Variants in DSCAM observed in about 807,000 individuals in gnomAD.
DSCAM encodes the protein cell adhesion molecule DSCAM.
Under a neutral mutation model 217.7 loss-of-function variants are expected in DSCAM, and 47 were observed. The observed-to-expected ratio is 0.22, with a 90% CI of 0.17 to 0.28. The LOEUF (loss-of-function observed/expected upper bound fraction) is 0.28. Among genes scored for constraint, DSCAM ranks in the 10% least tolerant of loss-of-function variants. The pLI is 1.00. For synonymous variants in DSCAM, 1,056 were observed against 1,015.3 expected (o/e 1.04, Z -0.76); for missense variants, 2,080 against 2,618.3 (o/e 0.79, Z 4.49).
Position 40,339,398 on chromosome 21 carries a change from T to C in DSCAM, c.1228A>G (p.Ile410Val), listed in dbSNP as rs775794321. The C allele has an allele frequency of 1.5e-5, 24 of 1,604,102 alleles. No homozygotes were observed. The Middle Eastern group carries it at 5.0e-4, about 33-fold the overall frequency. ...ACCACCTTTTCACTAAAGGCAGAAATAATTTTGGGAGTTCCATCTGCAGGA... is the reference window on the plus strand; with the variant it reads ...ACCACCTTTTCACTAAAGGCAGAAACAATTTTGGGAGTTCCATCTGCAGGA... The part of the protein sequence containing the change: ...VVLEDGTPKI[I>V]SAFSEKVVSP... The change falls in exon 7 of 33, where the codon ATT becomes GTT. Residue 410 changes from isoleucine to valine, a missense_variant. By Grantham distance (29) the Ile-to-Val change is conservative. Around this residue, in one of 5 missense-constraint regions of DSCAM, gnomAD observed 568 missense variants for 678.1 expected, o/e 0.84. Coordinates refer to ENST00000400454, the MANE Select transcript of DSCAM (RefSeq NM_001389.5).
At chr21:40,337,337 C>G (rs1209384591) in intron 8 of DSCAM, among the ~76,000 whole-genome samples, 2 of 152,188 alleles carry the variant, frequency 1.3e-5, no homozygotes, top group East Asian at 3.8e-4. Flanking sequence ...TAGTTCTATT[C>G]CTAGGACCCA....
intron 3 of DSCAM, among the ~76,000 whole-genome samples, chr21:40,539,675 G>A (rs1264924778): frequency 6.6e-6 from 1 of 151,998 alleles, no homozygotes; most frequent in East Asian, 1.9e-4. Context: ...GATGTTTTTT[G>A]TTGTTGGTCC....
At chr21:40,411,521 T>C (rs942049653) in intron 3 of DSCAM, among the ~76,000 whole-genome samples, 2 of 152,102 alleles carry the variant, frequency 1.3e-5, no homozygotes, top group African/African-American at 2.4e-5. Context: ...AATCATATGC[T>C]GTGTAAAAGA....
intron 3 of DSCAM, among the ~76,000 whole-genome samples, chr21:40,515,853 G>C (rs1446577386): frequency 6.6e-6 from 1 of 152,038 alleles, no homozygotes; most frequent in African/African-American, 2.4e-5. Context: ...AATCATTCTT[G>C]ACTATGTTTA....
chr21:40,369,008 G>A, intron 4 of DSCAM, 91 bp downstream of exon 4: 1 of 1,374,066 alleles, frequency 7.3e-7, no homozygotes, highest in Non-Finnish European at 9.5e-7. Context: ...CTCCATTTTA[G>A]TGGCAACACT....
chr21:40,212,571 C>G (rs2091196586), intron 11 of DSCAM: 3 of 152,668 alleles, frequency 2.0e-5, no homozygotes. Context: ...ACCAAGAACA[C>G]CAAGGTTTGT....
intron 3 of DSCAM, among the ~76,000 whole-genome samples, chr21:40,484,475 G>C (rs1569142815): frequency 6.6e-6 from 1 of 152,192 alleles, no homozygotes; most frequent in East Asian, 1.9e-4. Flanking sequence ...TCTGTGGATA[G>C]AATCTTCAAT....
At chr21:40,239,490 T>C (rs983443183) in intron 11 of DSCAM, among the ~76,000 whole-genome samples, 1 of 152,168 alleles carries the variant, frequency 6.6e-6, no homozygotes, top group Non-Finnish European at 1.5e-5. Context: ...TCCTTCTAAG[T>C]TTTCAAGAGA....
At chr21:40,352,641 T>C (rs2074644911) in intron 5 of DSCAM, among the ~76,000 whole-genome samples, 1 of 152,208 alleles carries the variant, frequency 6.6e-6, no homozygotes, top group Admixed American at 6.5e-5. Context: ...GTTAAATTTG[T>C]TCAATTTAGT....
intron 10 of DSCAM, among the ~76,000 whole-genome samples, chr21:40,294,415 A>T (rs186518790): frequency 1.2e-4 from 18 of 152,198 alleles, no homozygotes; most frequent in Non-Finnish European, 2.4e-4. Flanking sequence ...AAGACTATTT[A>T]AAAAAAATGT....
intron 4 of DSCAM, among the ~76,000 whole-genome samples, chr21:40,367,169 T>C (rs1850253142): frequency 2.0e-5 from 3 of 152,210 alleles, no homozygotes; most frequent in Non-Finnish European, 4.4e-5. Flanking sequence ...CATGCAGTTC[T>C]ATCCCAGTGT....
At chr21:40,228,506 C>T (rs953172320) in intron 11 of DSCAM, among the ~76,000 whole-genome samples, 3 of 152,102 alleles carry the variant, frequency 2.0e-5, no homozygotes, top group Admixed American at 6.6e-5. Flanking sequence ...TAATCCAATA[C>T]CGCCTTATTT....
At chr21:40,220,994 C>T (rs1419034019) in intron 11 of DSCAM, among the ~76,000 whole-genome samples, 1 of 152,200 alleles carries the variant, frequency 6.6e-6, no homozygotes, top group African/African-American at 2.4e-5. Context: ...TTTGTATTAT[C>T]TCCATTTCAC....
chr21:40,843,352 T>A lies in DSCAM; in HGVS notation c.43+3267A>T, dbSNP rs1004499523. Among the ~76,000 whole-genome samples, 11 of 145,644 alleles carry A rather than the reference T, an allele frequency of 7.6e-5. No individual in the cohort carries two copies. In the Admixed American group the frequency reaches 7.7e-4, roughly 10 times the overall value. On this transcript the variant is annotated intron_variant, in intron 1 of 32. Coordinates refer to ENST00000400454, the MANE Select transcript of DSCAM (RefSeq NM_001389.5). ...AATCCCACAGCTCAGGAAAAGATGA[T>A]GTCAGGAATGCATGCATGTGTGTGT...
chr21:40,135,891 C>T (rs894059039), intron 18 of DSCAM, among the ~76,000 whole-genome samples: 3 of 152,206 alleles, frequency 2.0e-5, no homozygotes, highest in Non-Finnish European at 4.4e-5. Flanking sequence ...CCCTCACATG[C>T]CAGAGAGCCC....
At chr21:40,208,328 C>T (rs1392636976) in intron 11 of DSCAM, among the ~76,000 whole-genome samples, 1 of 152,084 alleles carries the variant, frequency 6.6e-6, no homozygotes, top group African/African-American at 2.4e-5. Flanking sequence ...GTGGTGGGTG[C>T]CTGTAATCCC....
At chr21:40,505,764 G>A (rs940880079) in intron 3 of DSCAM, among the ~76,000 whole-genome samples, 3 of 152,078 alleles carry the variant, frequency 2.0e-5, no homozygotes, top group Non-Finnish European at 2.9e-5. Context: ...AAAATCACTC[G>A]AGGAGTTACT....
intron 27 of DSCAM, among the ~76,000 whole-genome samples, chr21:40,068,062 C>A (rs970759744): frequency 6.6e-6 from 1 of 152,054 alleles, no homozygotes; most frequent in African/African-American, 2.4e-5. Context: ...CCATCCTTGG[C>A]TCTGGGCTCC....
intron 11 of DSCAM, among the ~76,000 whole-genome samples, chr21:40,240,618 C>A (rs1002741522): frequency 2.6e-5 from 4 of 152,058 alleles, no homozygotes; most frequent in Non-Finnish European, 5.9e-5. Context: ...TCCCCATTCC[C>A]GTCCTTTCCT....
Sources: gnomAD v4.1 joint callset for allele counts (sites outside exome capture counted in the v4.1 genomes callset) on GRCh38, gnomAD v4.1.1 for gene constraint, gnomAD v4.1.1 regional missense constraint, MANE v1.5 for transcripts, NCBI Gene and HGNC (gene_info 2026-07-23, HGNC 2026-07-21) for gene names.